Variants in HENMT1 observed in about 807,000 individuals in gnomAD.
HENMT1 encodes small RNA 2'-O-methyltransferase.
HENMT1 carries 27 observed loss-of-function variants against 31.1 expected under a neutral mutation model. The observed-to-expected ratio is 0.87, with a 90% CI of 0.64 to 1.20. The LOEUF (loss-of-function observed/expected upper bound fraction) is 1.20. HENMT1 is among the 50% of genes most tolerant of loss of function. The pLI is 0.00. For missense variants in HENMT1, 438 were observed against 469.6 expected (o/e 0.93, Z 0.62); for synonymous variants, 167 against 172.2 (o/e 0.97, Z 0.24).
intron 2 of HENMT1, among the ~76,000 whole-genome samples, chr1:108,658,068 TGTACACACAC>T (rs1298281774): frequency 2.2e-5 from 1 of 46,230 alleles, no homozygotes; most frequent in African/African-American, 5.5e-5. Context: ...CACATATATA[TGTACACACAC>T]ACACACACAC....
At chr1:108,661,133 C>A, upstream of HENMT1, 1 of 396,810 alleles carries the variant, frequency 2.5e-6, no homozygotes, top group Middle Eastern at 1.3e-3. Context: ...ACCGCCGCGG[C>A]TACGCCGGCG....
chr1:108,649,012 AC>A (rs1306359635), intron 7 of HENMT1, 21 bp from the exon 8 acceptor site: 1 of 1,538,830 alleles, frequency 6.5e-7, no homozygotes, highest in Admixed American at 2.1e-5. Context: ...AAAACAAAAC[AC>A]TTACAAGTGT....
intron 2 of HENMT1, 91 bp from the exon 3 acceptor site, chr1:108,657,670 C>T: frequency 6.3e-6 from 8 of 1,270,950 alleles, no homozygotes; most frequent in Non-Finnish European, 8.7e-6. Flanking sequence ...CTTTATTTCC[C>T]CCAATCACTT....
intron 2 of HENMT1, among the ~76,000 whole-genome samples, chr1:108,658,203 C>T (rs527625720): frequency 6.6e-6 from 1 of 152,054 alleles, no homozygotes; most frequent in South Asian, 2.1e-4. Context: ...GCGATCTCAG[C>T]TCACTGCAAC....
chr1:108,658,368 C>T (rs1045144251), intron 2 of HENMT1, among the ~76,000 whole-genome samples: 9 of 152,196 alleles, frequency 5.9e-5, no homozygotes, highest in South Asian at 2.1e-4. Flanking sequence ...CTCCTGACCT[C>T]GTGATCCACC....
At chr1:108,659,286 C>T (rs1202082817) in intron 2 of HENMT1, among the ~76,000 whole-genome samples, 1 of 152,044 alleles carries the variant, frequency 6.6e-6, no homozygotes, top group Non-Finnish European at 1.5e-5. Flanking sequence ...AAGTTATGAG[C>T]CCAGGTGGTC....
chr1:108,655,497 A>T lies in HENMT1; in HGVS notation c.263+89T>A, dbSNP rs558751162. 5.7e-5 allele frequency: 42 copies of T among 738,584 alleles called. 1 individual carries two copies. The highest frequency in any genetic ancestry group is 6.4e-6 in the Non-Finnish European group (3 of 469,170). 45.8% of individuals were successfully genotyped at this position (738,584 alleles called of 1,614,324 possible). A position where few individuals can be genotyped will look rare whatever the true frequency, so the allele number is the denominator to read the frequency against. On this transcript the variant is annotated intron_variant, in intron 4 of 7. Transcript: ENST00000651461. ...GATCCCTAATGGCCCCAATCTTTTA[A>T]AACAAATATAAAATCAACACTTTCT...
At chr1:108,652,595 C>G (rs1658087923) in intron 5 of HENMT1, among the ~76,000 whole-genome samples, 1 of 151,992 alleles carries the variant, frequency 6.6e-6, no homozygotes. Flanking sequence ...CCTAAGCAAA[C>G]TAGACATTGA....
chr1:108,654,925 C>T, intron 4 of HENMT1, 75 bp from the exon 5 acceptor site: 1 of 1,426,154 alleles, frequency 7.0e-7, no homozygotes, highest in South Asian at 1.2e-5. Context: ...GAACTCAGAT[C>T]CTCTGATAAT....
intron 7 of HENMT1, 79 bp downstream of exon 7, chr1:108,650,132 G>C (rs1332808876): frequency 8.1e-7 from 1 of 1,227,636 alleles, no homozygotes; most frequent in Admixed American, 1.7e-5. Flanking sequence ...TCTCTACTTT[G>C]GGGATTCTTA....
In HENMT1 at chr1:108,651,538, G is replaced by A. The variant is rs1030185481; in HGVS notation, c.399-329C>T. On this transcript the variant is annotated intron_variant, in intron 5 of 7. Transcript: ENST00000651461. ...TGCATGCCTGTAATCCCAGCTACTC[G>A]GGAGGCTGAGGCGGGAGAATCACTT... 8.7e-5 allele frequency: 15 copies of A among 173,252 alleles called. 1 individual carries two copies. The South Asian group carries it at 1.0e-3, about 12-fold the overall frequency. 10.7% of individuals were successfully genotyped at this position (173,252 alleles called of 1,614,324 possible).
chr1:108,654,637 A>G, intron 5 of HENMT1, 79 bp downstream of exon 5: 4 of 1,411,558 alleles, frequency 2.8e-6, no homozygotes, highest in Non-Finnish European at 3.9e-6. Context: ...GACCTATTAT[A>G]TTTAGGACAC....
rs1180935308 is a variant in HENMT1 at position 108,648,864 on chromosome 1, C to G, written c.884G>C (p.Gly295Ala). 1.2e-6 allele frequency: 2 copies of G among 1,614,198 alleles called. No individual in the cohort carries two copies. The highest frequency in any genetic ancestry group is 1.7e-6 in the Non-Finnish European group (2 of 1,180,044). The change falls in exon 8 of 8, where the codon GGG (glycine) becomes GCG (alanine). Residue 295 changes from glycine to alanine, a missense_variant. Transcript: ENST00000651461. ...SHLPRRKEQA[G>A]ERGDKPKDIG... ...GTCTTTGGGCTTATCACCCCGTTCC[C>G]CAGCCTGTTCTTTCCGCCTTGGCAG...
intron 4 of HENMT1, among the ~76,000 whole-genome samples, 191 bp from the exon 5 acceptor site, chr1:108,655,041 T>C (rs781731565): frequency 2.0e-5 from 3 of 152,200 alleles, no homozygotes; most frequent in Non-Finnish European, 4.4e-5. Context: ...GGGAAGTTAC[T>C]GGCCAATGAA....
At chr1:108,657,632 A>T (rs1192007588) in intron 2 of HENMT1, 53 bp from the exon 3 acceptor site, 12 of 1,561,030 alleles carry the variant, frequency 7.7e-6, no homozygotes, top group Non-Finnish European at 8.7e-7. Flanking sequence ...TGACTTCAGA[A>T]ATTAAATAAG....
intron 1 of HENMT1, among the ~76,000 whole-genome samples, chr1:108,660,732 G>A (rs939923859): frequency 5.3e-5 from 8 of 151,738 alleles, no homozygotes; most frequent in African/African-American, 1.2e-4. Context: ...AGACCATCCC[G>A]GCTAAAACGG....
chr1:108,657,687 A>G (rs1327850182), intron 2 of HENMT1, 108 bp from the exon 3 acceptor site: 2 of 1,028,546 alleles, frequency 1.9e-6, no homozygotes, highest in Non-Finnish European at 2.8e-6. Flanking sequence ...ACTTTGAAAA[A>G]CACACTGGCC....
In HENMT1 at chr1:108,648,759, G is replaced by A; in HGVS notation, c.989C>T (p.Pro330Leu). 1 of 1,614,180 alleles carries A rather than the reference G, an allele frequency of 6.2e-7. No homozygotes were observed. Among genetic ancestry groups the A allele is most frequent in the African/African-American group, 1.3e-5 (1 of 75,036 alleles). The change falls in exon 8 of 8, where the codon CCC becomes CTC. Residue 330 changes from proline (P) to leucine (L), a missense_variant. Transcript: ENST00000651461. ...TTTATCTCCAACACAGAAGGGTGTG[G>A]GAGAGTTCTCTATCTTGGCCTTCTC... ...EVEKAKIENS[P>L]TPFCVGDKFF... is the part of the protein sequence containing the mutation.
Position 108,650,342 on chromosome 1 carries a change from C to T in HENMT1, c.625G>A (p.Gly209Ser). The T allele has an allele frequency of 6.2e-7, 1 of 1,614,158 alleles. No individual in the cohort carries two copies. Residue 209 changes from glycine (G) to serine (S), a missense_variant, in exon 7 of 8, where the codon GGT becomes AGT. By Grantham distance (56) the Gly-to-Ser change is moderately conservative. Coordinates refer to ENST00000651461, the MANE Select transcript of HENMT1 (RefSeq NM_001102592.2). ...NRYDYSVEFT[G>S]VGEPPAGAEN... The stretch of plus-strand genomic sequence containing the variant: ...GCTCCAGCTGGTGGTTCCCCGACAC[C>T]AGTAAACTCCACAGAGTAATCATAG...
Sources: allele counts gnomAD v4.1 joint callset (sites outside exome capture counted in the v4.1 genomes callset), GRCh38; gene constraint gnomAD v4.1.1; transcripts MANE v1.5; gene names NCBI Gene and HGNC (gene_info 2026-07-23, HGNC 2026-07-21).